CAMTA1: variants seen among roughly 807,000 people sequenced by gnomAD.
CAMTA1 encodes calmodulin binding transcription activator 1.
CAMTA1 carries 27 observed loss-of-function variants against 170.9 expected under a neutral mutation model. That is an observed-to-expected ratio of 0.16 (90% confidence interval 0.12 to 0.22). The LOEUF is 0.22. Ranked by LOEUF, CAMTA1 falls within the 10% of genes least tolerant of loss-of-function variation. The probability of loss-of-function intolerance (pLI) is 1.00; values close to 1 mark genes in which losing one functional copy is unlikely to be tolerated. For missense variants in CAMTA1, 1,619 were observed against 2,217.2 expected (o/e 0.73, Z 5.42); for synonymous variants, 833 against 891.5 (o/e 0.93, Z 1.17).
At chr1:7,551,317 T>TG (rs2094799272) in intron 6 of CAMTA1, among the ~76,000 whole-genome samples, 2 of 151,372 alleles carry the variant, frequency 1.3e-5, no homozygotes, top group South Asian at 4.1e-4. Context: ...TGTATGTGCA[T>TG]GTGTGTGTGT....
At position 7,444,429 on chromosome 1, in the gene CAMTA1, A is replaced by T. The variant is rs865827929; in HGVS notation, c.439-23401A>T. On this transcript the variant is annotated intron_variant, in intron 5 of 22. Transcript: ENST00000303635. ...GCAGGTCTCAGGGAATATGGTGAGG[A>T]GGCAGCTTGGGCTGCAGTACGTGGC... Among the ~76,000 whole-genome samples, 19 of 152,318 alleles carry T rather than the reference A, an allele frequency of 1.2e-4. No individual in the cohort carries two copies. In the South Asian group the frequency reaches 3.9e-3, roughly 32 times the overall value.
Position 7,461,209 on chromosome 1 carries a change from C to T in CAMTA1, c.439-6621C>T, listed in dbSNP as rs140095117. Among the ~76,000 whole-genome samples, 9 of 152,300 alleles carry T rather than the reference C, an allele frequency of 5.9e-5. No homozygotes were observed. In the East Asian group the frequency reaches 1.7e-3, roughly 29 times the overall value. On this transcript the variant is annotated intron_variant, in intron 5 of 22. Coordinates refer to ENST00000303635, the MANE Select transcript of CAMTA1 (RefSeq NM_015215.4). ...GGAATCTTCCCTGGTTGATTCAGGC[C>T]TGCCCAGGTAGAACAACAGGTGCCA...
chr1:7,008,626 T>G (rs1256422479), intron 3 of CAMTA1: 3 of 152,158 alleles, frequency 2.0e-5, no homozygotes, highest in Non-Finnish European at 2.9e-5. Context: ...TGAATAGAAC[T>G]TTCACAGGTT....
intron 4 of CAMTA1, among the ~76,000 whole-genome samples, chr1:7,231,327 A>ATGTGTGTGTGTGTG (rs745744631): frequency 0.026 from 3,701 of 141,864 alleles, 67 homozygotes; most frequent in Non-Finnish European, 0.039. Flanking sequence ...TACTGGCTTA[A>ATGTGTGTGTGTGTG]TGTGTGTGTG....
chr1:6,979,861 G>A (rs1694127334), intron 3 of CAMTA1, among the ~76,000 whole-genome samples: 1 of 151,844 alleles, frequency 6.6e-6, no homozygotes. Flanking sequence ...TGGGGGAGAG[G>A]ACCCCCGGCG....
chr1:7,651,411 A>G (rs1241225222), intron 7 of CAMTA1, among the ~76,000 whole-genome samples: 1 of 152,220 alleles, frequency 6.6e-6, no homozygotes, highest in Non-Finnish European at 1.5e-5. Flanking sequence ...TGGTGACCAA[A>G]GCTCCAGGTG....
At chr1:7,577,900 C>T (rs1376809716) in intron 6 of CAMTA1, among the ~76,000 whole-genome samples, 1 of 152,192 alleles carries the variant, frequency 6.6e-6, no homozygotes, top group Non-Finnish European at 1.5e-5. Flanking sequence ...TTGCCAACCC[C>T]TGGCCTAGAT....
chr1:7,261,751 C>T (rs1668205943), intron 5 of CAMTA1, among the ~76,000 whole-genome samples: 1 of 152,200 alleles, frequency 6.6e-6, no homozygotes, highest in Non-Finnish European at 1.5e-5. Flanking sequence ...GCGGAGCTCC[C>T]AGGTAACATT....
intron 7 of CAMTA1, among the ~76,000 whole-genome samples, chr1:7,645,458 G>A (rs985021579): frequency 1.1e-4 from 17 of 152,258 alleles, no homozygotes; most frequent in African/African-American, 1.7e-4. Context: ...TGTTCCATCC[G>A]GAGTGAGTGG....
intron 5 of CAMTA1, among the ~76,000 whole-genome samples, chr1:7,322,533 A>G (rs2149691140): frequency 6.6e-6 from 1 of 152,376 alleles, no homozygotes; most frequent in East Asian, 1.9e-4. Context: ...GGCAATAGCC[A>G]TCCAATCCCA....
rs1301167262 is a variant in CAMTA1, at chr1:7,144,597, T to G, written c.302+53226T>G. Among the ~76,000 whole-genome samples, 2 of 152,192 alleles carry G rather than the reference T, an allele frequency of 1.3e-5. No individual in the cohort carries two copies. The highest frequency in any genetic ancestry group is 6.5e-5 in the Admixed American group (1 of 15,276). ...AGTGTTGTGAGGACTTACTCTCATT[T>G]TCAGAACTCGTTACGAGACTTGTTT... is the stretch of plus-strand genomic sequence containing the variant. On this transcript the variant is annotated intron_variant, in intron 4 of 22. Coordinates refer to ENST00000303635, the MANE Select transcript of CAMTA1 (RefSeq NM_015215.4). The surrounding 1 kb of genome is among the most constrained non-coding windows in gnomAD (Gnocchi z 4.0).
rs565023615 is a variant in CAMTA1 at position 6,952,800 on chromosome 1, C to T, written c.234+127590C>T. On this transcript the variant is annotated intron_variant, in intron 3 of 22. Coordinates refer to ENST00000303635, the MANE Select transcript of CAMTA1 (RefSeq NM_015215.4). ...AGTGAGCCGAGATAACGCCACTGTA[C>T]TCCAGCCTGGGCGACAAAGCAAGAC... Among the ~76,000 whole-genome samples the T allele has an allele frequency of 5.9e-5, 9 of 152,262 alleles. No homozygotes were observed. The East Asian group carries it at 7.7e-4, about 13-fold the overall frequency.
At chr1:7,141,468 C>T (rs373307677) in intron 4 of CAMTA1, among the ~76,000 whole-genome samples, 1 of 152,202 alleles carries the variant, frequency 6.6e-6, no homozygotes, top group East Asian at 1.9e-4. Flanking sequence ...TCATGGCTAA[C>T]GTCTCCAGAT....
At chr1:7,370,914 CTTTTTTT>C (rs61387662) in intron 5 of CAMTA1, among the ~76,000 whole-genome samples, 1 of 109,984 alleles carries the variant, frequency 9.1e-6, no homozygotes, top group East Asian at 2.8e-4. Context: ...TTCTTTCTTT[CTTTTTTT>C]TTTTTTTTGA....
intron 3 of CAMTA1, among the ~76,000 whole-genome samples, chr1:6,994,665 G>T (rs945967349): frequency 8.4e-5 from 12 of 142,944 alleles, no homozygotes; most frequent in African/African-American, 3.0e-4. Flanking sequence ...TGTTCATTTT[G>T]TTTGAACTTC....
chr1:7,663,206 G>A, intron 8 of CAMTA1, 147 bp from the exon 9 acceptor site: 1 of 1,062,606 alleles, frequency 9.4e-7, no homozygotes, highest in Non-Finnish European at 1.3e-6. Flanking sequence ...CCTGCCTGGG[G>A]TACCGGGCCT....
chr1:6,929,520 C>A (rs1033724158), intron 3 of CAMTA1, among the ~76,000 whole-genome samples: 1 of 152,178 alleles, frequency 6.6e-6, no homozygotes, highest in African/African-American at 2.4e-5. Flanking sequence ...CCCGCCACCA[C>A]GCCTGGCTAA....
chr1:6,873,493 A>G (rs1455876155), intron 3 of CAMTA1, among the ~76,000 whole-genome samples: 1 of 152,138 alleles, frequency 6.6e-6, no homozygotes, highest in Non-Finnish European at 1.5e-5. Context: ...CCCCTGAGGG[A>G]TGAGCTGGTT....
rs78133753 is a variant in CAMTA1, at chr1:7,206,173, T to C, written c.303-43318T>C. On this transcript the variant is annotated intron_variant, in intron 4 of 22. Coordinates refer to ENST00000303635, the MANE Select transcript of CAMTA1 (RefSeq NM_015215.4). Reference sequence around the variant, plus strand: ...GGCTTTTCTGTGTTCCTGGCTATTCTTGAAGGTTAATTTTCCCACATGAAC... The same window carrying C: ...GGCTTTTCTGTGTTCCTGGCTATTCCTGAAGGTTAATTTTCCCACATGAAC... Among the ~76,000 whole-genome samples, 353 of 152,310 alleles carry C rather than the reference T, an allele frequency of 2.3e-3. 12 individuals are homozygous for C. In the East Asian group the frequency reaches 0.061, roughly 26 times the overall value.
Sources: gnomAD v4.1 joint callset for allele counts (sites outside exome capture counted in the v4.1 genomes callset) on GRCh38, gnomAD v4.1.1 for gene constraint, Gnocchi (gnomAD v3.1) non-coding constraint, MANE v1.5 for transcripts, NCBI Gene and HGNC (gene_info 2026-07-23, HGNC 2026-07-21) for gene names.